Variants in SLC2A9 observed in about 807,000 individuals in gnomAD.
The protein encoded by SLC2A9 is solute carrier family 2 member 9, also known as solute carrier family 2, facilitated glucose transporter member 9.
A neutral mutation model predicts 50.6 loss-of-function variants in SLC2A9; 39 were observed. That is an observed-to-expected ratio of 0.77 (90% CI 0.60 to 1.01). The LOEUF is 1.01. Among genes scored for constraint, SLC2A9 ranks in the 50% least tolerant of loss-of-function variants. The pLI, the probability that SLC2A9 is intolerant of heterozygous loss-of-function variation, is 0.00. For missense variants in SLC2A9, 686 were observed against 677.6 expected (o/e 1.01, Z -0.14); for synonymous variants, 324 against 276.9 (o/e 1.17, Z -1.69).
chr4:9,873,608 A>G (rs1383737880), intron 10 of SLC2A9, among the ~76,000 whole-genome samples: 4 of 152,172 alleles, frequency 2.6e-5, no homozygotes, highest in African/African-American at 9.7e-5. Context: ...ACAGTGATGG[A>G]CATGTGGTCA....
rs267600301 is a variant in SLC2A9, at chr4:9,908,289, G to C, written c.1059C>G (p.Ile353Met). Reference sequence around the variant, plus strand: ...CCCCTGTACTCAAGGTGACGTATGGGATCTTTGCCGGAGGGATCCCAGCTT... The same window carrying C: ...CCCCTGTACTCAAGGTGACGTATGGCATCTTTGCCGGAGGGATCCCAGCTT... Reference protein sequence around the residue: ...FGKAGIPPAKIPYVTLSTGGI... With the variant: ...FGKAGIPPAKMPYVTLSTGGI... Residue 353 changes from isoleucine (I) to methionine (M), a missense_variant, in exon 8 of 12, where the codon ATC becomes ATG. Transcript: ENST00000264784. 4 of 1,614,126 alleles carry C rather than the reference G, an allele frequency of 2.5e-6. No individual in the cohort carries two copies. In the Admixed American group the frequency reaches 6.7e-5, roughly 27 times the overall value.
In SLC2A9 at chr4:9,903,260, A is replaced by ATT. The variant is rs35134320; in HGVS notation, c.1113+4973_1113+4974dup. The stretch of plus-strand genomic sequence containing the variant: ...ACTACAGGCAACAGAAACCATAAGG[A>ATT]TTTTTTTTTTTTTTACTACAAGTCA... On this transcript the variant is annotated intron_variant, in intron 8 of 11. Transcript: ENST00000264784. Among the ~76,000 whole-genome samples, 451 of 147,184 alleles carry ATT rather than the reference A, an allele frequency of 3.1e-3. 3 individuals carry two copies. Among genetic ancestry groups the ATT allele is most frequent in the South Asian group, 0.017 (76 of 4,542 alleles).
At chr4:9,883,644 G>C (rs1008815486) in intron 10 of SLC2A9, among the ~76,000 whole-genome samples, 2 of 152,218 alleles carry the variant, frequency 1.3e-5, no homozygotes, top group African/African-American at 4.8e-5. Context: ...GCAAAGAACA[G>C]GACAGAGCCT....
intron 10 of SLC2A9, among the ~76,000 whole-genome samples, chr4:9,843,769 T>G (rs949771787): frequency 6.6e-6 from 1 of 152,142 alleles, no homozygotes; most frequent in South Asian, 2.1e-4. Context: ...TAATGATGAT[T>G]ATTATTATTC....
chr4:9,893,612 G>A (rs1281579150), intron 8 of SLC2A9, among the ~76,000 whole-genome samples: 1 of 152,038 alleles, frequency 6.6e-6, no homozygotes, highest in Non-Finnish European at 1.5e-5. Context: ...GAGACACAGA[G>A]AAACCTGCAT....
intron 1 of SLC2A9, among the ~76,000 whole-genome samples, chr4:10,029,451 G>A (rs577961394): frequency 1.3e-5 from 2 of 152,212 alleles, no homozygotes; most frequent in East Asian, 3.9e-4. Flanking sequence ...TGTGTCCTAA[G>A]CCAGGGGTTC....
chr4:9,911,733 G>T (rs1371438928), intron 7 of SLC2A9, among the ~76,000 whole-genome samples: 2 of 152,168 alleles, frequency 1.3e-5, no homozygotes, highest in African/African-American at 4.8e-5. Flanking sequence ...CGTCTTTCAG[G>T]GTTCTTGTAA....
intron 5 of SLC2A9, among the ~76,000 whole-genome samples, chr4:9,951,207 G>A (rs1203483993): frequency 6.6e-6 from 1 of 152,104 alleles, no homozygotes; most frequent in East Asian, 1.9e-4. Context: ...GGAATTGGGG[G>A]GCATTAACTA....
At chr4:9,878,874 AGTT>A (rs1179692821) in intron 10 of SLC2A9, 1 of 217,246 alleles carries the variant, frequency 4.6e-6, no homozygotes, top group Non-Finnish European at 7.8e-6. Context: ...TTGGACACCC[AGTT>A]GTTGGTGGAG....
intron 8 of SLC2A9, among the ~76,000 whole-genome samples, chr4:9,906,318 G>A (rs892695079): frequency 6.6e-6 from 1 of 152,124 alleles, no homozygotes; most frequent in Non-Finnish European, 1.5e-5. Flanking sequence ...AACCTCACCC[G>A]CAGACAATGG....
intron 6 of SLC2A9, among the ~76,000 whole-genome samples, chr4:9,931,225 A>G (rs1745843703): frequency 1.3e-5 from 2 of 152,166 alleles, no homozygotes; most frequent in Non-Finnish European, 2.9e-5. Context: ...TCTCCCTTCA[A>G]TTTGAAAGTA....
At chr4:9,982,552 T>C (rs558424719) in intron 4 of SLC2A9, among the ~76,000 whole-genome samples, 14 of 152,316 alleles carry the variant, frequency 9.2e-5, no homozygotes, top group Non-Finnish European at 1.5e-4. Flanking sequence ...AGTTATATGT[T>C]CGAAGGGTCA....
Position 9,914,137 on chromosome 4 carries a change from C to G in SLC2A9, c.1003-5792G>C, listed in dbSNP as rs76943656. Among the ~76,000 whole-genome samples the G allele has an allele frequency of 5.2e-3, 794 of 152,300 alleles. 17 individuals are homozygous for G. The East Asian group carries it at 0.081, about 16-fold the overall frequency. On this transcript the variant is annotated intron_variant, in intron 7 of 11. Coordinates refer to ENST00000264784, the MANE Select transcript of SLC2A9 (RefSeq NM_020041.3). The stretch of plus-strand genomic sequence containing the variant: ...TCATCCCAAACATTTCTACTGTCCT[C>G]TGCTACCTCTGGGTGAGAAGGAATC...
chr4:9,931,661 C>A (rs1352002963), intron 6 of SLC2A9, among the ~76,000 whole-genome samples: 1 of 152,090 alleles, frequency 6.6e-6, no homozygotes, highest in East Asian at 1.9e-4. Context: ...TTTCCACACA[C>A]CTCACAAGAA....
At chr4:9,938,722 G>A (rs192930761) in intron 6 of SLC2A9, among the ~76,000 whole-genome samples, 42 of 152,316 alleles carry the variant, frequency 2.8e-4, no homozygotes, top group Non-Finnish European at 4.6e-4. Flanking sequence ...TGAACTATCT[G>A]TGGTATCTTA....
intron 10 of SLC2A9, among the ~76,000 whole-genome samples, chr4:9,835,679 T>C (rs1260811343): frequency 1.3e-5 from 2 of 152,244 alleles, no homozygotes; most frequent in Non-Finnish European, 2.9e-5. Context: ...AACCCTTGTC[T>C]GCTGGGATGA....
chr4:9,775,846 C>T (rs971592984), downstream of SLC2A9, among the ~76,000 whole-genome samples: 1 of 152,142 alleles, frequency 6.6e-6, no homozygotes, highest in Non-Finnish European at 1.5e-5. Flanking sequence ...CAAGGATGGC[C>T]TAATACACCA....
chr4:10,023,508 G>A (rs536887007), upstream of SLC2A9, among the ~76,000 whole-genome samples: 14 of 152,280 alleles, frequency 9.2e-5, no homozygotes, highest in East Asian at 1.9e-4. Context: ...CCCTCATCCC[G>A]TTAAAAATTG....
chr4:9,811,285 T>C (rs1460540597), intron 3 of SLC2A9, among the ~76,000 whole-genome samples: 1 of 152,230 alleles, frequency 6.6e-6, no homozygotes, highest in Non-Finnish European at 1.5e-5. Context: ...TGGGGGCCTC[T>C]CATCAGCAGC....
Sources: gnomAD v4.1 joint callset for allele counts (sites outside exome capture counted in the v4.1 genomes callset) on GRCh38, gnomAD v4.1.1 for gene constraint, MANE v1.5 for transcripts, NCBI Gene and HGNC (gene_info 2026-07-23, HGNC 2026-07-21) for gene names.